The following SOX5 variants were observed in gnomAD, a reference collection of about 807,000 sequenced individuals.
The protein encoded by SOX5 is transcription factor SOX-5.
In SOX5, 9 loss-of-function variants were observed where a neutral mutation model predicts 92.0. The observed-to-expected ratio is 0.10, with a 90% CI of 0.06 to 0.17. The LOEUF is 0.17. SOX5 is among the 10% of genes least tolerant of loss of function. SOX5 has a pLI of 1.00. For missense variants in SOX5, 642 were observed against 944.5 expected (o/e 0.68, Z 4.20); for synonymous variants, 344 against 336.3 (o/e 1.02, Z -0.25).
intron 6 of SOX5, among the ~76,000 whole-genome samples, chr12:23,732,307 C>T (rs910707724): frequency 3.3e-5 from 5 of 152,132 alleles, no homozygotes; most frequent in African/African-American, 1.2e-4. Flanking sequence ...CATATGTCAC[C>T]ACATCAGAGC....
At chr12:24,523,722 T>A (rs564859829) in intron 1 of SOX5, among the ~76,000 whole-genome samples, 118 of 152,226 alleles carry the variant, frequency 7.8e-4, no homozygotes, top group African/African-American at 2.6e-3. Flanking sequence ...TTGTTTCATA[T>A]CAGACACAAA....
At chr12:24,166,178 G>A (rs1165858057) in intron 4 of SOX5, among the ~76,000 whole-genome samples, 3 of 152,126 alleles carry the variant, frequency 2.0e-5, no homozygotes, top group African/African-American at 7.2e-5. Flanking sequence ...GTTTTGGCTT[G>A]AGTGCCATTT....
chr12:23,969,699 G>A (rs1252736344), intron 4 of SOX5, among the ~76,000 whole-genome samples: 1 of 152,154 alleles, frequency 6.6e-6, no homozygotes, highest in Non-Finnish European at 1.5e-5. Flanking sequence ...AGTTTTTACT[G>A]TTACAGCATT....
At chr12:23,690,866 ACTTAT>A (rs1166063240) in intron 6 of SOX5, among the ~76,000 whole-genome samples, 1 of 152,060 alleles carries the variant, frequency 6.6e-6, no homozygotes, top group Non-Finnish European at 1.5e-5. Flanking sequence ...AGCTCACTCC[ACTTAT>A]CTTTTAACAT....
At chr12:24,299,641 G>A (rs758503000) in intron 2 of SOX5, among the ~76,000 whole-genome samples, 6 of 152,270 alleles carry the variant, frequency 3.9e-5, no homozygotes, top group Middle Eastern at 3.4e-3. Flanking sequence ...TTATGTGGTA[G>A]CATTTTTGAT....
chr12:24,348,358 T>G (rs929356097), intron 2 of SOX5, among the ~76,000 whole-genome samples: 6 of 86,912 alleles, frequency 6.9e-5, no homozygotes, highest in Admixed American at 2.2e-4. Context: ...GCAGCTCTAT[T>G]GACTCCTATT....
intron 4 of SOX5, among the ~76,000 whole-genome samples, chr12:24,018,482 A>C (rs1953919718): frequency 6.6e-6 from 1 of 152,186 alleles, no homozygotes; most frequent in African/African-American, 2.4e-5. Context: ...TGAGACTTCA[A>C]CACTTTAGGT....
chr12:24,057,775 T>G (rs7976310), intron 4 of SOX5, among the ~76,000 whole-genome samples: 9,403 of 152,274 alleles, frequency 0.062, 414 homozygotes, highest in Non-Finnish European at 0.095. Flanking sequence ...TTCCACCTTT[T>G]TGGAAAAAGC....
chr12:23,611,143 T>A (rs1429652090), intron 8 of SOX5, among the ~76,000 whole-genome samples: 1 of 152,128 alleles, frequency 6.6e-6, no homozygotes, highest in Non-Finnish European at 1.5e-5. Flanking sequence ...GACCAATGTC[T>A]CCTCTTTCCC....
chr12:24,261,129 C>T (rs974317782), intron 3 of SOX5, among the ~76,000 whole-genome samples: 7 of 151,946 alleles, frequency 4.6e-5, no homozygotes, highest in African/African-American at 1.2e-4. Flanking sequence ...TGAGATTTTA[C>T]GTGTAGAATG....
intron 1 of SOX5, among the ~76,000 whole-genome samples, chr12:24,386,491 A>G (rs1958430242): frequency 6.6e-6 from 1 of 152,182 alleles, no homozygotes; most frequent in Non-Finnish European, 1.5e-5. Flanking sequence ...ACGCTTCATG[A>G]AAACATCTTA....
In SOX5 at chr12:24,158,832, T is replaced by C. The variant is rs1023318760; in HGVS notation, c.-2+54511A>G. On this transcript the variant is annotated intron_variant, in intron 4 of 4. Coordinates refer to the SOX5 transcript ENST00000446891. ...GTCACCTAAGCAAGTATGTCATTTA[T>C]GTCAGCAAGTACGTTAGGTGACTAA... Among the ~76,000 whole-genome samples, 17 of 152,040 alleles carry C rather than the reference T, an allele frequency of 1.1e-4. 1 individual carries two copies. The highest frequency in any genetic ancestry group is 1.0e-3 in the South Asian group (5 of 4,824).
chr12:24,088,852 A>T (rs1051997437), intron 4 of SOX5, among the ~76,000 whole-genome samples: 1 of 152,066 alleles, frequency 6.6e-6, no homozygotes, highest in African/African-American at 2.4e-5. Flanking sequence ...AATGAGGAAA[A>T]GTATGATTTT....
At chr12:24,341,140 T>C (rs912520032) in intron 2 of SOX5, among the ~76,000 whole-genome samples, 1 of 152,346 alleles carries the variant, frequency 6.6e-6, no homozygotes, top group Admixed American at 6.5e-5. Flanking sequence ...GTGATAGTTT[T>C]TCAGTTTGAT....
At chr12:23,865,552 G>GT (rs2096801736) in intron 2 of SOX5, among the ~76,000 whole-genome samples, 1 of 152,084 alleles carries the variant, frequency 6.6e-6, no homozygotes, top group Non-Finnish European at 1.5e-5. Flanking sequence ...GCACGTGCCT[G>GT]TAGTCCCAGC....
intron 1 of SOX5, among the ~76,000 whole-genome samples, chr12:24,494,278 C>A (rs2138020466): frequency 6.6e-6 from 1 of 152,266 alleles, no homozygotes; most frequent in African/African-American, 2.4e-5. Context: ...AATATAAAGG[C>A]AAGATAACTA....
At chr12:24,073,815 C>T (rs888232970) in intron 4 of SOX5, among the ~76,000 whole-genome samples, 1 of 152,108 alleles carries the variant, frequency 6.6e-6, no homozygotes, top group African/African-American at 2.4e-5. Context: ...AAATAATACA[C>T]AATGAATTTA....
At chr12:23,583,469 C>G (rs146761791) in intron 9 of SOX5, among the ~76,000 whole-genome samples, 4 of 152,170 alleles carry the variant, frequency 2.6e-5, no homozygotes, top group South Asian at 4.1e-4. Flanking sequence ...GTGATGAGAA[C>G]AGTTATAACA....
intron 2 of SOX5, among the ~76,000 whole-genome samples, chr12:24,353,231 C>T (rs1326444318): frequency 6.6e-6 from 1 of 152,198 alleles, no homozygotes; most frequent in Non-Finnish European, 1.5e-5. Flanking sequence ...GAATGTGACA[C>T]TGATTCACCA....
Sources: gnomAD v4.1 joint callset for allele counts (sites outside exome capture counted in the v4.1 genomes callset) on GRCh38, gnomAD v4.1.1 for gene constraint, MANE v1.5 for transcripts, NCBI Gene and HGNC (gene_info 2026-07-23, HGNC 2026-07-21) for gene names.